The following PALLD variants were observed in gnomAD, a reference collection of about 807,000 sequenced individuals.
The protein encoded by PALLD is palladin, cytoskeletal associated protein, also known as palladin.
In PALLD, 61 loss-of-function variants were observed where a neutral mutation model predicts 123.5. That is an observed-to-expected ratio of 0.49 (90% confidence interval 0.40 to 0.61). PALLD has a LOEUF of 0.61. Ranked by LOEUF, PALLD falls within the 20% of genes least tolerant of loss-of-function variation. The probability of loss-of-function intolerance (pLI) is 0.00; values close to 1 mark genes in which losing one functional copy is unlikely to be tolerated. For missense variants in PALLD, 1,273 were observed against 1,377.0 expected (o/e 0.92, Z 1.20); for synonymous variants, 465 against 496.4 (o/e 0.94, Z 0.84).
intron 10 of PALLD, among the ~76,000 whole-genome samples, chr4:168,766,146 A>G (rs1259406334): frequency 6.6e-6 from 1 of 152,146 alleles, no homozygotes; most frequent in East Asian, 1.9e-4. Context: ...TGGGAGTGAT[A>G]ATATCAACGC....
intron 10 of PALLD, among the ~76,000 whole-genome samples, chr4:168,743,876 A>G (rs1247408111): frequency 6.6e-6 from 1 of 152,172 alleles, no homozygotes; most frequent in Non-Finnish European, 1.5e-5. Context: ...ATTTTCCAAA[A>G]CAAGCACAAG....
At chr4:168,744,043 G>A (rs967935900) in intron 10 of PALLD, among the ~76,000 whole-genome samples, 4 of 152,162 alleles carry the variant, frequency 2.6e-5, no homozygotes, top group Non-Finnish European at 5.9e-5. Context: ...CCTGGAAAAG[G>A]GGTCGGGGGA....
chr4:168,798,553 A>C (rs1314300930), intron 10 of PALLD, among the ~76,000 whole-genome samples: 1 of 152,176 alleles, frequency 6.6e-6, no homozygotes, highest in African/African-American at 2.4e-5. Flanking sequence ...AAAGATACAG[A>C]TTTGCAGTAA....
intron 1 of PALLD, among the ~76,000 whole-genome samples, chr4:168,505,510 A>G (rs1425131125): frequency 2.6e-5 from 4 of 152,250 alleles, no homozygotes; most frequent in African/African-American, 9.6e-5. Flanking sequence ...CAGAACTCTG[A>G]TTTCTGATCC....
At chr4:168,819,864 A>G (rs1005220783) in intron 10 of PALLD, among the ~76,000 whole-genome samples, 3 of 152,216 alleles carry the variant, frequency 2.0e-5, no homozygotes, top group Admixed American at 2.0e-4. Flanking sequence ...CCAACCCTCT[A>G]TAGTGGAGAT....
chr4:168,837,562 C>T lies in PALLD; in HGVS notation c.1965-53360C>T, dbSNP rs1297392485. Among the ~76,000 whole-genome samples the T allele has an allele frequency of 2.6e-5, 4 of 152,170 alleles. No individual in the cohort carries two copies. The East Asian group carries it at 7.7e-4, about 29-fold the overall frequency. ...AATTAATCATAGAATATATACCGTTCGTTGAGTACTTCAAACCAGAAAATG... is the reference window on the plus strand; with the variant it reads ...AATTAATCATAGAATATATACCGTTTGTTGAGTACTTCAAACCAGAAAATG... On this transcript the variant is annotated intron_variant, in intron 10 of 21. Coordinates refer to ENST00000505667, the MANE Select transcript of PALLD (RefSeq NM_001166108.2).
chr4:168,832,037 G>A (rs1744290467), intron 10 of PALLD: 1 of 985,454 alleles, frequency 1.0e-6, no homozygotes, highest in Non-Finnish European at 1.2e-6. Flanking sequence ...AAGGCTCGGA[G>A]CCTCCTGAGT....
At chr4:168,724,557 A>G (rs1786354307) in intron 10 of PALLD, among the ~76,000 whole-genome samples, 1 of 152,226 alleles carries the variant, frequency 6.6e-6, no homozygotes, top group Non-Finnish European at 1.5e-5. Flanking sequence ...AACCTTTTCC[A>G]TATGTGACAA....
intron 6 of PALLD, among the ~76,000 whole-genome samples, chr4:168,688,128 G>A (rs1455236575): frequency 6.6e-6 from 1 of 152,208 alleles, no homozygotes; most frequent in African/African-American, 2.4e-5. Context: ...TGGTTTTGGA[G>A]GGGTAGGTTT....
At chr4:168,631,976 G>C (rs1283493951) in intron 2 of PALLD, 2 of 865,900 alleles carry the variant, frequency 2.3e-6, no homozygotes, top group Admixed American at 6.2e-5. Context: ...TGGCATGCAA[G>C]TACTCGTGCG....
At chr4:168,811,867 G>C (rs1013348790) in intron 10 of PALLD, among the ~76,000 whole-genome samples, 4 of 151,760 alleles carry the variant, frequency 2.6e-5, no homozygotes, top group Non-Finnish European at 4.4e-5. Context: ...TCTGTTCAGC[G>C]TTGGATATTA....
intron 2 of PALLD, among the ~76,000 whole-genome samples, chr4:168,607,686 A>T (rs1030001983): frequency 2.0e-5 from 3 of 152,200 alleles, no homozygotes; most frequent in African/African-American, 7.2e-5. Flanking sequence ...AACTAAGGTA[A>T]TTTGATAGCC....
Position 168,926,273 on chromosome 4 carries a change from G to A in PALLD, c.*93G>A, listed in dbSNP as rs1321443615. The stretch of plus-strand genomic sequence containing the variant: ...AAAAAAGTACGGCCCTCAGCCAGTC[G>A]CTATGCAGCACTTTCGGACCAGGGA... On this transcript the variant is annotated 3_prime_UTR_variant, in exon 22 of 22. Coordinates refer to ENST00000505667, the MANE Select transcript of PALLD (RefSeq NM_001166108.2). 4 of 1,536,922 alleles carry A rather than the reference G, an allele frequency of 2.6e-6. No individual in the cohort carries two copies. Among genetic ancestry groups the A allele is most frequent in the Non-Finnish European group, 3.5e-6 (4 of 1,146,724 alleles).
At chr4:168,722,933 A>G (rs529511624) in intron 10 of PALLD, among the ~76,000 whole-genome samples, 95 of 152,344 alleles carry the variant, frequency 6.2e-4, no homozygotes, top group Non-Finnish European at 1.1e-3. Flanking sequence ...TGGAAGTTAT[A>G]CCAAGAATGA....
At position 168,869,306 on chromosome 4, in the gene PALLD, C is replaced by T. The variant is rs986611082; in HGVS notation, c.1965-21616C>T. Among the ~76,000 whole-genome samples the T allele has an allele frequency of 1.3e-5, 2 of 152,090 alleles. No homozygotes were observed. The highest frequency in any genetic ancestry group is 2.9e-5 in the Non-Finnish European group (2 of 68,004). Reference sequence around the variant, plus strand: ...AAGATAGAACACATCTGGCTCTGGGCGATCTGGGCTGGTGTGTGAGATGAT... The same window carrying T: ...AAGATAGAACACATCTGGCTCTGGGTGATCTGGGCTGGTGTGTGAGATGAT... On this transcript the variant is annotated intron_variant, in intron 10 of 21. Transcript: ENST00000505667. The surrounding 1 kb of genome is among the most constrained non-coding windows in gnomAD (Gnocchi z 4.5).
rs2126589237 is a variant in PALLD at position 168,925,008 on chromosome 4, T to C, written c.3288T>C (p.Ala1096=). ...TTCAGGGAGCCACAAAAGAAGATGC[T>C]GGGTGGTATACTGTGTCAGCCAAGA... ...LLIQGATKED[A]GWYTVSAKNE... is the part of the protein sequence containing the mutation. Residue 1096 remains alanine (A), a synonymous_variant, in exon 20 of 22, where the codon GCT becomes GCC. Coordinates refer to ENST00000505667, the MANE Select transcript of PALLD (RefSeq NM_001166108.2). 1.9e-6 allele frequency: 3 copies of C among 1,614,120 alleles called. No individual in the cohort carries two copies.
chr4:168,741,513 A>G (rs938737099), intron 10 of PALLD, among the ~76,000 whole-genome samples: 3 of 151,972 alleles, frequency 2.0e-5, no homozygotes, highest in Admixed American at 6.6e-5. Flanking sequence ...CGTCAAGACC[A>G]TGGCTCTTTA....
intron 10 of PALLD, among the ~76,000 whole-genome samples, chr4:168,778,132 C>T (rs993399955): frequency 5.9e-5 from 9 of 152,168 alleles, no homozygotes; most frequent in African/African-American, 2.2e-4. Flanking sequence ...GCTTTTCCTT[C>T]CTCTTTTCTT....
chr4:168,547,824 T>C (rs971062988), intron 2 of PALLD, among the ~76,000 whole-genome samples: 2 of 151,766 alleles, frequency 1.3e-5, no homozygotes, highest in African/African-American at 4.8e-5. Flanking sequence ...CGTGCGCCTG[T>C]AGTCCCAGCT....
Sources: allele counts gnomAD v4.1 joint callset (sites outside exome capture counted in the v4.1 genomes callset), GRCh38; gene constraint gnomAD v4.1.1; non-coding constraint Gnocchi (gnomAD v3.1); transcripts MANE v1.5; gene names NCBI Gene and HGNC (gene_info 2026-07-23, HGNC 2026-07-21).